EPAS1: variants seen among roughly 807,000 people sequenced by gnomAD.
EPAS1 encodes the protein endothelial PAS domain-containing protein 1.
Under a neutral mutation model 87.9 loss-of-function variants are expected in EPAS1, and 23 were observed. The observed-to-expected ratio is 0.26, with a 90% CI of 0.19 to 0.37. EPAS1 has a LOEUF of 0.37. Among genes scored for constraint, EPAS1 ranks in the 10% least tolerant of loss-of-function variants. EPAS1 has a pLI of 1.00. For missense variants in EPAS1, 1,138 were observed against 1,120.7 expected (o/e 1.02, Z -0.22); for synonymous variants, 508 against 444.3 (o/e 1.14, Z -1.80).
intron 1 of EPAS1, among the ~76,000 whole-genome samples, chr2:46,323,738 T>G (rs566607457): frequency 1.3e-5 from 2 of 152,362 alleles, no homozygotes; most frequent in Non-Finnish European, 2.9e-5. Flanking sequence ...AATATTTTTT[T>G]TTCCTCTGAA....
At position 46,346,784 on chromosome 2, in the gene EPAS1, T is replaced by TG; in HGVS notation, c.27-84dup. ...GTCTAGTAAGGGAGTGTGGCTGCAC[T>TG]GGGGGTTGGGGCCATGGGGATGTCC... On this transcript the variant is annotated intron_variant, in intron 1 of 15. Coordinates refer to ENST00000263734, the MANE Select transcript of EPAS1 (RefSeq NM_001430.5). The surrounding 1 kb of genome is among the most constrained non-coding windows in gnomAD (Gnocchi z 4.0). 1.4e-6 allele frequency: 2 copies of TG among 1,409,846 alleles called. No homozygotes were observed. The highest frequency in any genetic ancestry group is 2.0e-6 in the Non-Finnish European group (2 of 1,012,528). 87.3% of individuals were successfully genotyped at this position (1,409,846 alleles called of 1,614,324 possible).
intron 2 of EPAS1, among the ~76,000 whole-genome samples, chr2:46,349,515 C>T (rs772353870): frequency 2.0e-5 from 3 of 152,216 alleles, no homozygotes; most frequent in Non-Finnish European, 2.9e-5. Context: ...ACAAACTTGC[C>T]TGCCCTCTGG....
chr2:46,298,874 G>A (rs560938217), intron 1 of EPAS1, among the ~76,000 whole-genome samples: 1 of 152,356 alleles, frequency 6.6e-6, no homozygotes, highest in Non-Finnish European at 1.5e-5. Flanking sequence ...TTCTGCAAAT[G>A]TGTGCGGCTC....
At chr2:46,315,870 C>T (rs754010812) in intron 1 of EPAS1, among the ~76,000 whole-genome samples, 1 of 152,240 alleles carries the variant, frequency 6.6e-6, no homozygotes, top group African/African-American at 2.4e-5. Context: ...CATGTGCACA[C>T]ACATCTATCT....
At chr2:46,305,240 C>A (rs1683086848) in intron 1 of EPAS1, among the ~76,000 whole-genome samples, 1 of 152,180 alleles carries the variant, frequency 6.6e-6, no homozygotes, top group South Asian at 2.1e-4. Context: ...TGGCGAGACC[C>A]TTTGTGAGAT....
intron 1 of EPAS1, among the ~76,000 whole-genome samples, chr2:46,303,921 C>G (rs1665031392): frequency 6.6e-6 from 1 of 152,186 alleles, no homozygotes; most frequent in South Asian, 2.1e-4. Context: ...TGAGGTGCCG[C>G]TTAATCTTCC....
At position 46,347,685 on chromosome 2, in the gene EPAS1, A is replaced by AAATAACTGGTTCTCCCCTCCCTAGCAC. The variant is rs1684061274; in HGVS notation, c.217+623_217+649dup. 1 of 158,416 alleles carries AAATAACTGGTTCTCCCCTCCCTAGCAC rather than the reference A, an allele frequency of 6.3e-6. No individual in the cohort carries two copies. The highest frequency in any genetic ancestry group is 1.4e-5 in the Non-Finnish European group (1 of 71,414). 9.8% of individuals were successfully genotyped at this position (158,416 alleles called of 1,614,324 possible). ...TCCTTGACATCACCCCTCCCTCGGA[A>AAATAACTGGTTCTCCCCTCCCTAGCAC]AATAACTGGTTCTCCCCTCCCTAGC... On this transcript the variant is annotated intron_variant, in intron 2 of 15. Coordinates refer to ENST00000263734, the MANE Select transcript of EPAS1 (RefSeq NM_001430.5). This position sits in a 1 kb window ranked among gnomAD's most constrained non-coding sequence, Gnocchi z 4.2.
chr2:46,353,338 C>T (rs1385298543), intron 2 of EPAS1, among the ~76,000 whole-genome samples: 2 of 152,224 alleles, frequency 1.3e-5, no homozygotes, highest in African/African-American at 4.8e-5. Flanking sequence ...AACAGATTCT[C>T]AGTTCTACTG....
Position 46,360,164 on chromosome 2 carries a change from C to G in EPAS1, c.455-474C>G, listed in dbSNP as rs1177069995. Among the ~76,000 whole-genome samples the G allele has an allele frequency of 1.3e-5, 2 of 152,174 alleles. No individual in the cohort carries two copies. Among genetic ancestry groups the G allele is most frequent in the East Asian group, 1.9e-4 (1 of 5,202 alleles). ...GAGGGGTTAAATTCCTCCTGAGAGA[C>G]AGGTTATAAAGGAAAGACGGGAGTG... On this transcript the variant is annotated intron_variant, in intron 4 of 15. Transcript: ENST00000263734. This position sits in a 1 kb window ranked among gnomAD's most constrained non-coding sequence, Gnocchi z 4.5.
rs2103682141 is a variant in EPAS1 at position 46,384,467 on chromosome 2, T to A, written c.2462-42T>A. 3 of 1,614,008 alleles carry A rather than the reference T, an allele frequency of 1.9e-6. No homozygotes were observed. In the East Asian group the frequency reaches 6.7e-5, roughly 36 times the overall value. ...AAGAAGTAGACACTTTTCCAAATGT[T>A]CGATTTAGGCCTTTAAGTTATGGTA... On this transcript the variant is annotated intron_variant, in intron 15 of 15. Coordinates refer to ENST00000263734, the MANE Select transcript of EPAS1 (RefSeq NM_001430.5).
rs751141124 is a variant in EPAS1 at position 46,360,609 on chromosome 2, G to C, written c.455-29G>C. On this transcript the variant is annotated intron_variant, in intron 4 of 15. Coordinates refer to ENST00000263734, the MANE Select transcript of EPAS1 (RefSeq NM_001430.5). The surrounding 1 kb of genome is among the most constrained non-coding windows in gnomAD (Gnocchi z 4.5). The stretch of plus-strand genomic sequence containing the variant: ...GAATATCCATATAAAACTGACTTCA[G>C]CTGGTTCTTCCCATCCTTCCACATC... 1.9e-6 allele frequency: 3 copies of C among 1,596,890 alleles called. No homozygotes were observed. The highest frequency in any genetic ancestry group is 1.7e-5 in the Admixed American group (1 of 60,014).
chr2:46,324,890 C>A (rs1048580130), intron 1 of EPAS1, among the ~76,000 whole-genome samples: 2 of 152,252 alleles, frequency 1.3e-5, no homozygotes, highest in African/African-American at 2.4e-5. Context: ...CATCTCACAG[C>A]CTGCCTTTCT....
intron 1 of EPAS1, among the ~76,000 whole-genome samples, chr2:46,329,634 C>T (rs1054933603): frequency 1.3e-5 from 2 of 152,058 alleles, no homozygotes; most frequent in Non-Finnish European, 2.9e-5. Flanking sequence ...CTAGCCTGGC[C>T]GAGATAGTGA....
At chr2:46,329,097 G>A (rs148685108) in intron 1 of EPAS1, among the ~76,000 whole-genome samples, 2 of 152,222 alleles carry the variant, frequency 1.3e-5, no homozygotes, top group Non-Finnish European at 2.9e-5. Flanking sequence ...TAGAGTGTTA[G>A]AGCTTCCTGG....
chr2:46,333,023 G>C (rs376106225), intron 1 of EPAS1, among the ~76,000 whole-genome samples: 4 of 152,180 alleles, frequency 2.6e-5, no homozygotes, highest in Non-Finnish European at 5.9e-5. Flanking sequence ...TGTGGACAGC[G>C]GGCACAGCCA....
chr2:46,315,113 A>G (rs1299003997), intron 1 of EPAS1, among the ~76,000 whole-genome samples: 1 of 152,212 alleles, frequency 6.6e-6, no homozygotes, highest in African/African-American at 2.4e-5. Context: ...CAAAATATCA[A>G]CTACTGCAAA....
At chr2:46,356,050 C>A in intron 2 of EPAS1, 101 bp from the exon 3 acceptor site, 3 of 1,332,126 alleles carry the variant, frequency 2.3e-6, no homozygotes, top group South Asian at 1.2e-5. Context: ...AAAAGTCCAC[C>A]CAATGCCTTT....
chr2:46,301,381 C>G (rs1049868874), intron 1 of EPAS1, among the ~76,000 whole-genome samples: 1 of 151,962 alleles, frequency 6.6e-6, no homozygotes, highest in African/African-American at 2.4e-5. Flanking sequence ...TCAAGACCAG[C>G]CTGGTCAACA....
intron 6 of EPAS1, among the ~76,000 whole-genome samples, chr2:46,365,596 T>A (rs1187307927): frequency 6.6e-6 from 1 of 152,218 alleles, no homozygotes; most frequent in Non-Finnish European, 1.5e-5. Context: ...AGGTACCCTG[T>A]AACACTCCAC....
Sources: allele counts gnomAD v4.1 joint callset (sites outside exome capture counted in the v4.1 genomes callset), GRCh38; gene constraint gnomAD v4.1.1; non-coding constraint Gnocchi (gnomAD v3.1); transcripts MANE v1.5; gene names NCBI Gene and HGNC (gene_info 2026-07-23, HGNC 2026-07-21).